SCAPER: variants seen among roughly 807,000 people sequenced by gnomAD.
The protein encoded by SCAPER is S-phase cyclin A associated protein in the ER.
Under a neutral mutation model 182.2 loss-of-function variants are expected in SCAPER, and 98 were observed. The ratio of observed to expected loss-of-function variants is 0.54; its 90% CI spans 0.46 to 0.64. The LOEUF (loss-of-function observed/expected upper bound fraction) is 0.64, where lower values mean the gene tolerates loss of function less well. Ranked by LOEUF, SCAPER falls within the 30% of genes least tolerant of loss-of-function variation. SCAPER has a pLI of 0.00. For missense variants in SCAPER, 1,432 were observed against 1,690.0 expected (o/e 0.85, Z 2.68); for synonymous variants, 605 against 564.6 (o/e 1.07, Z -1.01).
chr15:76,645,216 C>G (rs1318902089), intron 21 of SCAPER, among the ~76,000 whole-genome samples: 1 of 151,990 alleles, frequency 6.6e-6, no homozygotes, highest in Non-Finnish European at 1.5e-5. Context: ...ACTTGAACAT[C>G]CCTGGATTTT....
At chr15:76,842,407 A>G (rs1222041828) in intron 4 of SCAPER, among the ~76,000 whole-genome samples, 1 of 152,152 alleles carries the variant, frequency 6.6e-6, no homozygotes, top group Admixed American at 6.6e-5. Flanking sequence ...AAGTTCTCAC[A>G]AGATCTGATG....
rs536493118 is a variant in SCAPER at position 76,726,748 on chromosome 15, G to A, written c.2165+1847C>T. ...GATAAGTCACAAAAGGACAAATACC[G>A]TATGATTCCACTTATATAAGATCCC... On this transcript the variant is annotated intron_variant, in intron 17 of 31. Coordinates refer to ENST00000563290, the MANE Select transcript of SCAPER (RefSeq NM_020843.4). 1.7e-4 allele frequency among the ~76,000 whole-genome samples: 26 copies of A among 152,126 alleles called. 1 individual carries two copies. The highest frequency in any genetic ancestry group is 4.8e-4 in the African/African-American group (20 of 41,522).
intron 17 of SCAPER, among the ~76,000 whole-genome samples, chr15:76,709,788 G>A (rs1262169527): frequency 6.6e-6 from 1 of 152,168 alleles, no homozygotes; most frequent in Non-Finnish European, 1.5e-5. Flanking sequence ...CCCTTGGCAA[G>A]AAGCCACCAA....
At chr15:76,397,687 G>A (rs766628389) in intron 27 of SCAPER, among the ~76,000 whole-genome samples, 2 of 151,972 alleles carry the variant, frequency 1.3e-5, no homozygotes, top group Non-Finnish European at 2.9e-5. Context: ...TACATGTTGA[G>A]GCTGGTCTTG....
At chr15:76,506,082 G>A (rs1314451703) in intron 23 of SCAPER, among the ~76,000 whole-genome samples, 3 of 151,912 alleles carry the variant, frequency 2.0e-5, no homozygotes, top group Non-Finnish European at 4.4e-5. Context: ...ATGGAAGGAT[G>A]GGTACCAGAG....
chr15:76,560,659 T>A (rs760096391), intron 23 of SCAPER, among the ~76,000 whole-genome samples: 60 of 152,322 alleles, frequency 3.9e-4, no homozygotes, highest in South Asian at 1.9e-3. Flanking sequence ...CAATCCTGTT[T>A]CTTCATAGTT....
chr15:76,812,528 A>T (rs866805732), intron 5 of SCAPER, among the ~76,000 whole-genome samples: 1 of 151,806 alleles, frequency 6.6e-6, no homozygotes, highest in Non-Finnish European at 1.5e-5. Context: ...ACAGACATCA[A>T]TAAAACAAAG....
At chr15:76,780,252 C>T (rs917409650) in intron 8 of SCAPER, among the ~76,000 whole-genome samples, 8 of 152,240 alleles carry the variant, frequency 5.3e-5, no homozygotes, top group East Asian at 1.9e-4. Flanking sequence ...GCAGGTCTCA[C>T]GCCCATGGAG....
chr15:76,475,203 CTA>C (rs1171174999), intron 24 of SCAPER, among the ~76,000 whole-genome samples: 1 of 152,070 alleles, frequency 6.6e-6, no homozygotes, highest in East Asian at 1.9e-4. Flanking sequence ...ATTTGTACTT[CTA>C]GTCTTTTTCC....
At chr15:76,625,498 G>T (rs2052488250) in intron 21 of SCAPER, among the ~76,000 whole-genome samples, 1 of 152,150 alleles carries the variant, frequency 6.6e-6, no homozygotes, top group Admixed American at 6.6e-5. Flanking sequence ...TTCATCCCTG[G>T]AGGCAGTAGC....
chr15:76,422,021 A>G (rs1301112952), intron 26 of SCAPER, among the ~76,000 whole-genome samples: 3 of 152,060 alleles, frequency 2.0e-5, no homozygotes, highest in African/African-American at 7.2e-5. Context: ...TTTGGTTACT[A>G]TAGCCTTGTA....
chr15:76,388,276 A>G (rs758633886), intron 27 of SCAPER, among the ~76,000 whole-genome samples: 3 of 152,208 alleles, frequency 2.0e-5, no homozygotes, highest in Non-Finnish European at 2.9e-5. Flanking sequence ...ACTAGAAAGC[A>G]TATATGAAAT....
chr15:76,430,726 A>T (rs2944378), intron 26 of SCAPER, among the ~76,000 whole-genome samples: 52,642 of 152,000 alleles, frequency 0.35, 9,357 homozygotes, highest in Admixed American at 0.42. Flanking sequence ...ACTTGCCTTG[A>T]CTCAGATGAG....
chr15:76,702,976 C>T lies in SCAPER; in HGVS notation c.2274G>A (p.Met758Ile), dbSNP rs2059043447. The T allele has an allele frequency of 6.3e-7, 1 of 1,588,306 alleles. No homozygotes were observed. The highest frequency in any genetic ancestry group is 8.5e-7 in the Non-Finnish European group (1 of 1,171,376). The change falls in exon 19 of 32, where the codon ATG (methionine) becomes ATA (isoleucine). Residue 758 changes from methionine (M) to isoleucine (I), a missense_variant. Met to Ile is a conservative substitution (Grantham distance 10, BLOSUM62 1). Coordinates refer to ENST00000563290, the MANE Select transcript of SCAPER (RefSeq NM_020843.4). ...TTTCTTTTCTTTGTTCAATCTGTTC[C>T]ATGTGCCTTCGAATACTTTCATCAT... is the stretch of plus-strand genomic sequence containing the variant. Reference protein sequence around the residue: ...LKHDESIRRHMEQIEQRKEKA... With the variant: ...LKHDESIRRHIEQIEQRKEKA...
chr15:76,546,626 TTCTC>T (rs145432300), intron 23 of SCAPER, among the ~76,000 whole-genome samples: 15 of 151,102 alleles, frequency 9.9e-5, no homozygotes, highest in Non-Finnish European at 1.9e-4. Context: ...GCTTTTATAC[TTCTC>T]TCTCTCTCTC....
At chr15:76,604,277 A>G (rs563436289) in intron 22 of SCAPER, among the ~76,000 whole-genome samples, 2 of 121,380 alleles carry the variant, frequency 1.6e-5, no homozygotes, top group African/African-American at 5.0e-5. Context: ...TTTATTAAAT[A>G]GGGAATCCTT....
At chr15:76,503,106 G>A (rs180944760) in intron 24 of SCAPER, among the ~76,000 whole-genome samples, 117 of 152,172 alleles carry the variant, frequency 7.7e-4, no homozygotes, top group Middle Eastern at 3.4e-3. Context: ...AAACCTCCAG[G>A]TGAATTTAAG....
rs537098521 is a variant in SCAPER, at chr15:76,384,646, CA to C, written c.3468-3032del. Among the ~76,000 whole-genome samples, 483 of 152,224 alleles carry C rather than the reference CA, an allele frequency of 3.2e-3. 5 individuals are homozygous for C. The highest frequency in any genetic ancestry group is 0.011 in the African/African-American group (461 of 41,548). ...TAAGAACTTAGATGTGGAAATGGTT[CA>C]AAATGCATAAGATAGTGCTTCATGG... On this transcript the variant is annotated intron_variant, in intron 27 of 31. Coordinates refer to ENST00000563290, the MANE Select transcript of SCAPER (RefSeq NM_020843.4).
intron 23 of SCAPER, among the ~76,000 whole-genome samples, chr15:76,534,440 G>T (rs2043952974): frequency 6.6e-6 from 1 of 152,178 alleles, no homozygotes; most frequent in Non-Finnish European, 1.5e-5. Flanking sequence ...TGAGGCAAGA[G>T]TAAGTAATAT....
Sources: gnomAD v4.1 joint callset for allele counts (sites outside exome capture counted in the v4.1 genomes callset) on GRCh38, gnomAD v4.1.1 for gene constraint, MANE v1.5 for transcripts, NCBI Gene and HGNC (gene_info 2026-07-23, HGNC 2026-07-21) for gene names.